Variants in FOXP1 observed in about 807,000 individuals in gnomAD.
FOXP1 encodes the protein forkhead box P1.
Under a neutral mutation model 98.2 loss-of-function variants are expected in FOXP1, and 15 were observed. The observed-to-expected ratio is 0.15, with a 90% confidence interval of 0.10 to 0.24. The LOEUF is 0.24. FOXP1 is among the 10% of genes least tolerant of loss of function. The pLI is 1.00. For synonymous variants in FOXP1, 371 were observed against 314.5 expected (o/e 1.18, Z -1.90); for missense variants, 633 against 848.5 (o/e 0.75, Z 3.15).
chr3:71,201,046 T>C (rs2063641892), intron 5 of FOXP1, among the ~76,000 whole-genome samples: 1 of 152,198 alleles, frequency 6.6e-6, no homozygotes, highest in African/African-American at 2.4e-5. Context: ...AACTCAGAAG[T>C]AACAGCTGAT....
chr3:71,456,588 G>T (rs1276165885), intron 3 of FOXP1, among the ~76,000 whole-genome samples: 1 of 152,184 alleles, frequency 6.6e-6, no homozygotes, highest in African/African-American at 2.4e-5. Context: ...CTAGCTTGGG[G>T]ACTCAGGACA....
chr3:71,090,642 C>T (rs946766204), intron 7 of FOXP1, among the ~76,000 whole-genome samples: 3 of 152,148 alleles, frequency 2.0e-5, no homozygotes, highest in East Asian at 1.9e-4. Context: ...GTGCAACTGC[C>T]TCCTTAAGAG....
intron 13 of FOXP1, 62 bp downstream of exon 13, chr3:71,000,910 A>G (rs1321158266): frequency 1.9e-6 from 2 of 1,047,102 alleles, no homozygotes; most frequent in African/African-American, 1.6e-5. Flanking sequence ...ATTACAGAAC[A>G]CTACAGAAAT....
chr3:71,404,625 C>A (rs1249244289), intron 3 of FOXP1, among the ~76,000 whole-genome samples: 2 of 150,894 alleles, frequency 1.3e-5, no homozygotes, highest in East Asian at 1.9e-4. Flanking sequence ...GCAAAAGTCA[C>A]AGTAAATAAC....
chr3:71,014,621 A>T (rs1022234392), intron 12 of FOXP1, among the ~76,000 whole-genome samples: 1 of 152,182 alleles, frequency 6.6e-6, no homozygotes, highest in Non-Finnish European at 1.5e-5. Flanking sequence ...ATACCATTTG[A>T]CCCAGCCATC....
chr3:71,399,729 C>A (rs950681376), intron 3 of FOXP1, among the ~76,000 whole-genome samples: 2 of 152,132 alleles, frequency 1.3e-5, no homozygotes, highest in African/African-American at 4.8e-5. Context: ...TAAAATGAAT[C>A]CAAAAGCAGT....
chr3:70,960,161 T>A (rs770198979), intron 20 of FOXP1, among the ~76,000 whole-genome samples: 1 of 152,142 alleles, frequency 6.6e-6, no homozygotes, highest in Non-Finnish European at 1.5e-5. Flanking sequence ...ATGATATACA[T>A]GCTTGAAACT....
At chr3:71,322,178 G>GAAT (rs1355387028) in intron 4 of FOXP1, among the ~76,000 whole-genome samples, 2 of 152,106 alleles carry the variant, frequency 1.3e-5, no homozygotes, top group African/African-American at 4.8e-5. Context: ...GTACTATATG[G>GAAT]AATAAAAACA....
intron 12 of FOXP1, among the ~76,000 whole-genome samples, chr3:71,007,314 C>T (rs908692492): frequency 1.3e-5 from 2 of 152,116 alleles, no homozygotes; most frequent in African/African-American, 4.8e-5. Context: ...GATTTGCATA[C>T]ATCCACAATT....
chr3:71,043,538 G>A (rs755806427), intron 10 of FOXP1, among the ~76,000 whole-genome samples: 30 of 152,288 alleles, frequency 2.0e-4, no homozygotes, highest in Middle Eastern at 3.4e-3. Context: ...TCAGACCACT[G>A]TTTACTCAAT....
In FOXP1 at chr3:71,338,619, G is replaced by A. The variant is rs375921917; in HGVS notation, c.-73+20531C>T. On this transcript the variant is annotated intron_variant, in intron 4 of 20. Coordinates refer to ENST00000649528, the MANE Select transcript of FOXP1 (RefSeq NM_001349338.3). The stretch of plus-strand genomic sequence containing the variant: ...ATTTTTTTGTATTTTTCGTAGAGGC[G>A]GGGTTTCACCCTATTAAGCCAGGAT... Among the ~76,000 whole-genome samples the A allele has an allele frequency of 2.4e-4, 36 of 152,124 alleles. No homozygotes were observed. In the East Asian group the frequency reaches 3.5e-3, roughly 15 times the overall value.
chr3:71,546,348 C>G (rs541828419), intron 2 of FOXP1, among the ~76,000 whole-genome samples: 6 of 152,178 alleles, frequency 3.9e-5, no homozygotes, highest in African/African-American at 1.4e-4. Context: ...AAGATTTGCT[C>G]ATTAACTGAG....
At chr3:71,401,722 C>G (rs542011427) in intron 3 of FOXP1, among the ~76,000 whole-genome samples, 1 of 152,210 alleles carries the variant, frequency 6.6e-6, no homozygotes, top group South Asian at 2.1e-4. Flanking sequence ...TGGTTGATAC[C>G]TTCCTTCGCT....
intron 3 of FOXP1, among the ~76,000 whole-genome samples, chr3:71,444,059 T>A (rs80190466): frequency 7.1e-4 from 108 of 152,346 alleles, no homozygotes; most frequent in Non-Finnish European, 1.4e-3. Context: ...CTATAGCTAC[T>A]GACTTTGCCT....
chr3:71,446,013 G>A (rs1467242902), intron 3 of FOXP1, among the ~76,000 whole-genome samples: 1 of 151,766 alleles, frequency 6.6e-6, no homozygotes, highest in Non-Finnish European at 1.5e-5. Context: ...ACACATACAA[G>A]TATCTATTGA....
At chr3:71,493,905 C>G (rs1403516060) in intron 2 of FOXP1, among the ~76,000 whole-genome samples, 1 of 151,876 alleles carries the variant, frequency 6.6e-6, no homozygotes, top group African/African-American at 2.4e-5. Context: ...GATAAATGTA[C>G]CATTCCCTAT....
At chr3:71,262,529 GA>G (rs566343099) in intron 5 of FOXP1, among the ~76,000 whole-genome samples, 10 of 146,458 alleles carry the variant, frequency 6.8e-5, no homozygotes, top group East Asian at 2.0e-4. Flanking sequence ...CCCTTTAAAA[GA>G]AAAAAAAAAG....
chr3:71,465,324 A>AAGAAG (rs1553891927), intron 3 of FOXP1, among the ~76,000 whole-genome samples: 1 of 67,658 alleles, frequency 1.5e-5, no homozygotes, highest in African/African-American at 5.5e-5. Context: ...AAAAAAAAAA[A>AAGAAG]AAGAAGAAGA....
intron 5 of FOXP1, among the ~76,000 whole-genome samples, chr3:71,205,729 C>A (rs958121952): frequency 1.3e-5 from 2 of 152,162 alleles, no homozygotes; most frequent in Admixed American, 6.6e-5. Flanking sequence ...CTGTCCTGCC[C>A]TCTGGAACGC....
Sources: gnomAD v4.1 joint callset for allele counts (sites outside exome capture counted in the v4.1 genomes callset) on GRCh38, gnomAD v4.1.1 for gene constraint, MANE v1.5 for transcripts, NCBI Gene and HGNC (gene_info 2026-07-23, HGNC 2026-07-21) for gene names.